AHCTF1: variants seen among roughly 807,000 people sequenced by gnomAD.
The protein encoded by AHCTF1 is AT-hook containing transcription factor 1.
Under a neutral mutation model 248.4 loss-of-function variants are expected in AHCTF1, and 24 were observed. That is an observed-to-expected ratio of 0.10 (90% CI 0.07 to 0.14). The LOEUF is 0.14. Among genes scored for constraint, AHCTF1 ranks in the 10% least tolerant of loss-of-function variants. The pLI is 1.00. For missense variants in AHCTF1, 2,206 were observed against 2,636.2 expected, an observed-to-expected ratio of 0.84 and a Z score of 3.57; for synonymous variants, 786 against 929.8, an observed-to-expected ratio of 0.85 and a Z score of 2.81.
At chr1:246,859,623 T>C (rs1661376163) in intron 29 of AHCTF1, among the ~76,000 whole-genome samples, 1 of 152,146 alleles carries the variant, frequency 6.6e-6, no homozygotes, top group Non-Finnish European at 1.5e-5. Context: ...GGGCTGGAGT[T>C]CAGTGGCGCA....
intron 8 of AHCTF1, among the ~76,000 whole-genome samples, chr1:246,901,318 G>A (rs1460730504): frequency 6.6e-6 from 1 of 152,018 alleles, no homozygotes; most frequent in African/African-American, 2.4e-5. Flanking sequence ...TCCAGCCTGG[G>A]CGACAGTGAG....
chr1:246,919,587 CCTGTAGT>C (rs1465441445), intron 1 of AHCTF1, among the ~76,000 whole-genome samples: 1 of 151,902 alleles, frequency 6.6e-6, no homozygotes, highest in African/African-American at 2.4e-5. Context: ...GTGGCACACA[CCTGTAGT>C]CTCACCTACT....
chr1:246,861,943 T>C lies in AHCTF1; in HGVS notation c.3735+16A>G. 1 of 1,595,362 alleles carries C rather than the reference T, an allele frequency of 6.3e-7. No individual in the cohort carries two copies. The highest frequency in any genetic ancestry group is 1.3e-5 in the African/African-American group (1 of 74,138). ...TATTAAAAAATGTCTTTTCTCCCAA[T>C]TATTATCAAACTTACCCCAGGAATC... On this transcript the variant is annotated intron_variant, in intron 28 of 35. Transcript: ENST00000648844.
intron 15 of AHCTF1, among the ~76,000 whole-genome samples, chr1:246,891,433 G>C (rs1664199699): frequency 6.6e-6 from 1 of 152,088 alleles, no homozygotes; most frequent in Non-Finnish European, 1.5e-5. Context: ...GCATTTAAAT[G>C]AAATTGGCTT....
intron 24 of AHCTF1, among the ~76,000 whole-genome samples, chr1:246,871,625 G>GA (rs1385198102): frequency 2.6e-5 from 4 of 152,170 alleles, no homozygotes; most frequent in Non-Finnish European, 4.4e-5. Flanking sequence ...CTGACTAGAT[G>GA]AGCCTCATCT....
At chr1:246,911,205 TGAAG>T (rs1050317101) in intron 4 of AHCTF1, among the ~76,000 whole-genome samples, 1 of 152,142 alleles carries the variant, frequency 6.6e-6, no homozygotes, top group Admixed American at 6.5e-5. Context: ...CATATTGACT[TGAAG>T]GGAGTTTTAA....
At position 246,850,539 on chromosome 1, in the gene AHCTF1, G is replaced by C. The variant is rs1390631379; in HGVS notation, c.5467C>G (p.Leu1823Val). 1 of 1,606,886 alleles carries C rather than the reference G, an allele frequency of 6.2e-7. No homozygotes were observed. Among genetic ancestry groups the C allele is most frequent in the East Asian group, 2.2e-5 (1 of 44,804 alleles). Reference sequence around the variant, plus strand: ...TGTTCCACAGAACTGGTGTTTTCTAGTATGTCCTGATTAACTTCTTTCTTT... The same window carrying C: ...TGTTCCACAGAACTGGTGTTTTCTACTATGTCCTGATTAACTTCTTTCTTT... ...RRKKEVNQDI[L>V]ENTSSVEQEL... The change falls in exon 33 of 36, where the codon CTA becomes GTA. Residue 1823 changes from leucine to valine, a missense_variant. Coordinates refer to ENST00000648844, the MANE Select transcript of AHCTF1 (RefSeq NM_001323342.2).
chr1:246,885,623 A>T lies in AHCTF1; in HGVS notation c.2530T>A (p.Ser844Thr). 6.2e-7 allele frequency: 1 copy of T among 1,612,856 alleles called. No individual in the cohort carries two copies. Among genetic ancestry groups the T allele is most frequent in the Admixed American group, 1.7e-5 (1 of 59,956 alleles). The change falls in exon 21 of 36, where the codon TCA (serine) becomes ACA (threonine). Residue 844 changes from serine to threonine, a missense_variant. Transcript: ENST00000648844. ...ATAKPLSWQH[S>T]KIIQAFMSQG... The stretch of plus-strand genomic sequence containing the variant: ...CTCATGAATGCCTGAATAATCTTTG[A>T]ATGTTGCCATGACAAAGGTTTTGCA...
chr1:246,891,949 C>T (rs1664236089), intron 14 of AHCTF1, 30 bp from the exon 15 acceptor site: 1 of 1,563,280 alleles, frequency 6.4e-7, no homozygotes, highest in African/African-American at 1.4e-5. Flanking sequence ...AGATAAGTTT[C>T]CATACAGTAA....
chr1:246,868,110 G>A (rs1034357318), intron 24 of AHCTF1, among the ~76,000 whole-genome samples: 1 of 151,146 alleles, frequency 6.6e-6, no homozygotes, highest in East Asian at 1.9e-4. Flanking sequence ...TTACAGGCAT[G>A]GCCACCAAGC....
intron 11 of AHCTF1, among the ~76,000 whole-genome samples, chr1:246,898,702 G>A (rs1007819788): frequency 6.6e-6 from 1 of 151,788 alleles, no homozygotes; most frequent in African/African-American, 2.4e-5. Flanking sequence ...TATCTAATGT[G>A]AAAGAGATTT....
chr1:246,875,368 C>T (rs190062580), intron 24 of AHCTF1, among the ~76,000 whole-genome samples: 32 of 152,264 alleles, frequency 2.1e-4, no homozygotes, highest in African/African-American at 7.5e-4. Context: ...ACTTAGAAGC[C>T]AAATAATAAA....
intron 14 of AHCTF1, 118 bp downstream of exon 14, chr1:246,894,541 C>CAAAAAATAAAA: frequency 1.2e-6 from 1 of 856,606 alleles, no homozygotes. Context: ...GACTCAGTCT[C>CAAAAAATAAAA]AAAAAAAGAA....
intron 26 of AHCTF1, among the ~76,000 whole-genome samples, chr1:246,864,846 C>CA (rs139015537): frequency 0.017 from 39 of 2,260 alleles, 15 homozygotes; most frequent in South Asian, 0.028. Context: ...GACTCCGTCT[C>CA]AAAAAAAAAA....
chr1:246,882,652 C>A (rs931530159), intron 21 of AHCTF1, among the ~76,000 whole-genome samples: 1 of 152,106 alleles, frequency 6.6e-6, no homozygotes, highest in African/African-American at 2.4e-5. Flanking sequence ...AAAAATTATG[C>A]CTATACAAAA....
chr1:246,889,330 T>C (rs1157750150), intron 17 of AHCTF1, among the ~76,000 whole-genome samples: 1 of 152,182 alleles, frequency 6.6e-6, no homozygotes, highest in East Asian at 1.9e-4. Context: ...CTTACTACTC[T>C]TTGCGGTTGT....
intron 6 of AHCTF1, among the ~76,000 whole-genome samples, chr1:246,904,574 GAGAA>G (rs1265032014): frequency 1.3e-5 from 2 of 152,134 alleles, no homozygotes; most frequent in African/African-American, 2.4e-5. Context: ...GTATGGGAAG[GAGAA>G]CGGGCAGTTG....
rs1471768463 is a variant in AHCTF1 at position 246,849,800 on chromosome 1, G to C, written c.6206C>G (p.Thr2069Arg). Reference protein sequence around the residue: ...RSLHSVSEERTDEMTHKETNE... With the variant: ...RSLHSVSEERRDEMTHKETNE... ...TGTTTCTTTATGTGTCATTTCATCT[G>C]TGCGTTCTTCTGATACTGAGTGCAA... Residue 2069 changes from threonine to arginine, a missense_variant, in exon 33 of 36, where the codon ACA (threonine) becomes AGA (arginine). Transcript: ENST00000648844. 1 of 1,613,940 alleles carries C rather than the reference G, an allele frequency of 6.2e-7. No individual in the cohort carries two copies.
At chr1:246,856,987 G>A (rs966698910) in intron 30 of AHCTF1, among the ~76,000 whole-genome samples, 14 of 152,126 alleles carry the variant, frequency 9.2e-5, no homozygotes, top group African/African-American at 3.1e-4. Context: ...CCTCTACAAC[G>A]GTGTTATTCA....
Sources: allele counts gnomAD v4.1 joint callset (sites outside exome capture counted in the v4.1 genomes callset), GRCh38; gene constraint gnomAD v4.1.1; transcripts MANE v1.5; gene names NCBI Gene and HGNC (gene_info 2026-07-23, HGNC 2026-07-21).